FNIP2: variants seen among roughly 807,000 people sequenced by gnomAD.
The protein encoded by FNIP2 is folliculin-interacting protein 2.
FNIP2 carries 32 observed loss-of-function variants against 108.7 expected under a neutral mutation model. That is an observed-to-expected ratio of 0.29 (90% CI 0.22 to 0.40). FNIP2 has a LOEUF of 0.40. Among genes scored for constraint, FNIP2 ranks in the 10% least tolerant of loss-of-function variants. The probability of loss-of-function intolerance (pLI) is 1.00; values close to 1 mark genes in which losing one functional copy is unlikely to be tolerated. For synonymous variants in FNIP2, 480 were observed against 496.7 expected (o/e 0.97, Z 0.45); for missense variants, 1,202 against 1,381.6 (o/e 0.87, Z 2.06).
chr4:158,833,713 G>GT (rs371442899), intron 6 of FNIP2, 85 bp downstream of exon 6: 131,838 of 975,134 alleles, frequency 0.14, 581 homozygotes, highest in African/African-American at 0.2. Flanking sequence ...TTTGTCGTGG[G>GT]TTTTTTTTTT....
intron 1 of FNIP2, among the ~76,000 whole-genome samples, chr4:158,784,594 G>A (rs1230227560): frequency 1.3e-5 from 2 of 152,236 alleles, no homozygotes; most frequent in Non-Finnish European, 2.9e-5. Flanking sequence ...CCCATCTGGG[G>A]TTGATGGGAG....
At chr4:158,778,991 G>A (rs781193309) in intron 1 of FNIP2, among the ~76,000 whole-genome samples, 1 of 152,190 alleles carries the variant, frequency 6.6e-6, no homozygotes. Flanking sequence ...ATATGATAGC[G>A]GCTGTTTAGT....
intron 14 of FNIP2, among the ~76,000 whole-genome samples, chr4:158,883,443 GTGTTAGCCAGGA>G (rs1560830570): frequency 1.3e-5 from 2 of 152,012 alleles, no homozygotes; most frequent in East Asian, 3.9e-4. Context: ...GGGTTTCACC[GTGTTAGCCAGGA>G]TGGTCTCGAT....
chr4:158,777,315 T>G (rs749230178), intron 1 of FNIP2, among the ~76,000 whole-genome samples: 1 of 152,256 alleles, frequency 6.6e-6, no homozygotes, highest in Non-Finnish European at 1.5e-5. Context: ...TACACTTAAT[T>G]GTGAAAACAA....
intron 1 of FNIP2, among the ~76,000 whole-genome samples, chr4:158,786,668 TA>T (rs59880875): frequency 1.3e-5 from 2 of 152,018 alleles, no homozygotes; most frequent in African/African-American, 4.8e-5. Flanking sequence ...TTTTTATTTT[TA>T]AAAAAAACAG....
At chr4:158,894,411 A>G (rs1782503241) in intron 15 of FNIP2, among the ~76,000 whole-genome samples, 1 of 151,954 alleles carries the variant, frequency 6.6e-6, no homozygotes, top group Admixed American at 6.6e-5. Flanking sequence ...GGCTCAAGTG[A>G]TCCTCCTACC....
rs371485605 is a variant in FNIP2 at position 158,829,046 on chromosome 4, A to G, written c.235-33A>G. The G allele has an allele frequency of 7.8e-5, 120 of 1,536,376 alleles. No individual in the cohort carries two copies. The African/African-American group carries it at 1.3e-3, about 16-fold the overall frequency. On this transcript the variant is annotated intron_variant, in intron 2 of 16. Coordinates refer to ENST00000264433, the MANE Select transcript of FNIP2 (RefSeq NM_020840.3). ...TGTTGACGAACCTGATATACTTAGT[A>G]ATCTTTTACCTTGCCTGTCTCTCTT...
At chr4:158,828,956 GCTT>G (rs1229826899) in intron 2 of FNIP2, 120 bp from the exon 3 acceptor site, 6 of 744,956 alleles carry the variant, frequency 8.1e-6, no homozygotes, top group Non-Finnish European at 1.2e-5. Flanking sequence ...AAAAAAAAAA[GCTT>G]CTGTTTTTTA....
chr4:158,808,000 G>A (rs1215053540), intron 1 of FNIP2, among the ~76,000 whole-genome samples: 1 of 152,190 alleles, frequency 6.6e-6, no homozygotes, highest in Non-Finnish European at 1.5e-5. Context: ...GTAACGGAGT[G>A]ACACTCAAGT....
intron 16 of FNIP2, among the ~76,000 whole-genome samples, chr4:158,900,780 T>G (rs986257510): frequency 1.3e-5 from 2 of 152,226 alleles, no homozygotes; most frequent in African/African-American, 4.8e-5. Context: ...GTCTTGACTC[T>G]TTATCCAGTT....
rs772582549 is a variant in FNIP2 at position 158,891,581 on chromosome 4, A to G, written c.3085A>G (p.Ser1029Gly). The stretch of plus-strand genomic sequence containing the variant: ...ACTAGGCCAGGATGTCCTGGTCTCT[A>G]GTCAGGTGTCCAGTTTGCTTCAGTC... ...MKLGQDVLVS[S>G]QVSSLLQSIL... The change falls in exon 15 of 17, where the codon AGT becomes GGT. Residue 1029 changes from serine (S) to glycine (G), a missense_variant. This residue lies in a region of FNIP2 where 142 missense variants were observed against 183.8 expected (regional missense o/e 0.77). Transcript: ENST00000264433. 3 of 1,612,830 alleles carry G rather than the reference A, an allele frequency of 1.9e-6. No homozygotes were observed. The highest frequency in any genetic ancestry group is 2.5e-6 in the Non-Finnish European group (3 of 1,179,420).
At position 158,888,543 on chromosome 4, in the gene FNIP2, T is replaced by C. The variant is rs776481501; in HGVS notation, c.2950-2903T>C. On this transcript the variant is annotated intron_variant, in intron 14 of 16. Transcript: ENST00000264433. The stretch of plus-strand genomic sequence containing the variant: ...ATTCTTGTCAGTTTGTCTCAATCTG[T>C]GTACTCATTGTTCTTTCGTCTTTAC... 6.6e-5 allele frequency among the ~76,000 whole-genome samples: 10 copies of C among 152,210 alleles called. 1 individual carries two copies. Among genetic ancestry groups the C allele is most frequent in the Non-Finnish European group, 8.8e-5 (6 of 68,030 alleles).
intron 1 of FNIP2, among the ~76,000 whole-genome samples, chr4:158,807,105 A>G (rs1578843658): frequency 6.6e-6 from 1 of 152,232 alleles, no homozygotes; most frequent in East Asian, 1.9e-4. Context: ...ATCAATAAAA[A>G]CAAAAAACTG....
intron 7 of FNIP2, among the ~76,000 whole-genome samples, chr4:158,849,096 A>G (rs1466448004): frequency 2.6e-5 from 4 of 152,206 alleles, no homozygotes; most frequent in Non-Finnish European, 5.9e-5. Flanking sequence ...TCTGGAATTA[A>G]GGGTCTTACG....
intron 1 of FNIP2, chr4:158,808,443 A>G (rs1356618246): frequency 1.3e-5 from 2 of 151,908 alleles, no homozygotes; most frequent in Non-Finnish European, 2.9e-5. Flanking sequence ...TTTTTTTAGA[A>G]CTTTGTACAA....
At chr4:158,886,200 T>G (rs1217534107) in intron 14 of FNIP2, among the ~76,000 whole-genome samples, 3 of 152,222 alleles carry the variant, frequency 2.0e-5, no homozygotes, top group African/African-American at 7.2e-5. Context: ...GGAAAGTAGT[T>G]TGGGTAAACA....
chr4:158,869,563 GTAT>G, intron 13 of FNIP2, 135 bp downstream of exon 13: 8 of 1,238,716 alleles, frequency 6.5e-6, no homozygotes, highest in South Asian at 1.6e-5. Flanking sequence ...AGTACTAGAA[GTAT>G]TATTAATTCT....
At chr4:158,814,846 C>T (rs1470514248) in intron 1 of FNIP2, among the ~76,000 whole-genome samples, 1 of 152,090 alleles carries the variant, frequency 6.6e-6, no homozygotes, top group Non-Finnish European at 1.5e-5. Flanking sequence ...AGGAGTTCAC[C>T]CACTGCCTCA....
intron 7 of FNIP2, 92 bp downstream of exon 7, chr4:158,835,568 TCA>T: frequency 1.8e-6 from 2 of 1,119,524 alleles, no homozygotes; most frequent in Non-Finnish European, 2.7e-6. Context: ...TAGATAACCC[TCA>T]TCCTGTTCTT....
Sources: gnomAD v4.1 joint callset for allele counts (sites outside exome capture counted in the v4.1 genomes callset) on GRCh38, gnomAD v4.1.1 for gene constraint, gnomAD v4.1.1 regional missense constraint, MANE v1.5 for transcripts, NCBI Gene and HGNC (gene_info 2026-07-23, HGNC 2026-07-21) for gene names.